The following SLC44A5 variants were observed in gnomAD, a reference collection of about 807,000 sequenced individuals.
SLC44A5 encodes solute carrier family 44 member 5.
Under a neutral mutation model 101.8 loss-of-function variants are expected in SLC44A5, and 57 were observed. That is an observed-to-expected ratio of 0.56 (90% CI 0.45 to 0.70). The LOEUF (loss-of-function observed/expected upper bound fraction) is 0.70. Among genes scored for constraint, SLC44A5 ranks in the 30% least tolerant of loss-of-function variants. The probability of loss-of-function intolerance (pLI) is 0.00; values close to 1 mark genes in which losing one functional copy is unlikely to be tolerated. For synonymous variants in SLC44A5, 281 were observed against 290.9 expected, an observed-to-expected ratio of 0.97 and a Z score of 0.35; for missense variants, 737 against 853.1, an observed-to-expected ratio of 0.86 and a Z score of 1.70.
At chr1:75,635,893 G>A in the SLC44A5 span, among the ~76,000 whole-genome samples, 139 of 151,868 alleles carry the variant, frequency 9.2e-4, 1 homozygote, top group South Asian at 0.015. Flanking sequence ...CTTAACTTTG[G>A]GGAGGGATTA....
Position 75,287,825 on chromosome 1 carries a change from T to C in SLC44A5, c.176-12783A>G, listed in dbSNP as rs908327239. On this transcript the variant is annotated intron_variant, in intron 5 of 23. Transcript: ENST00000370859. ...CATCTTTAGGTGTCTCAGCCGTGAA[T>C]ACCAGCACCTACTCTGGCAGAGGTA... Among the ~76,000 whole-genome samples the C allele has an allele frequency of 3.3e-5, 5 of 152,312 alleles. No homozygotes were observed. The South Asian group carries it at 8.3e-4, about 25-fold the overall frequency.
chr1:75,282,412 A>T (rs945182473), intron 5 of SLC44A5, among the ~76,000 whole-genome samples: 1 of 152,130 alleles, frequency 6.6e-6, no homozygotes, highest in Non-Finnish European at 1.5e-5. Flanking sequence ...CTCAGATGAG[A>T]CTTTGGACTT....
At chr1:75,713,499 T>C in the SLC44A5 span, among the ~76,000 whole-genome samples, 1 of 152,174 alleles carries the variant, frequency 6.6e-6, no homozygotes, top group African/African-American at 2.4e-5. Flanking sequence ...AACTGCAGGT[T>C]AAGAACCACT....
At chr1:75,528,649 A>G (rs1049939776) in intron 2 of SLC44A5, among the ~76,000 whole-genome samples, 4 of 152,184 alleles carry the variant, frequency 2.6e-5, no homozygotes, top group Non-Finnish European at 5.9e-5. Flanking sequence ...CATAAAATGC[A>G]TCTTTAATCA....
intron 1 of SLC44A5, among the ~76,000 whole-genome samples, chr1:75,593,683 C>T (rs1674479950): frequency 6.6e-6 from 1 of 152,008 alleles, no homozygotes; most frequent in Non-Finnish European, 1.5e-5. Flanking sequence ...CTGTCATTTG[C>T]AACAATGCAG....
At chr1:75,482,603 A>T (rs1419183552) in intron 2 of SLC44A5, among the ~76,000 whole-genome samples, 4 of 152,106 alleles carry the variant, frequency 2.6e-5, no homozygotes, top group Non-Finnish European at 5.9e-5. Flanking sequence ...TTTAGATTGG[A>T]CCATCACTAA....
rs139523251 is a variant in SLC44A5, at chr1:75,589,529, G to A, written c.-70+21511C>T. Reference sequence around the variant, plus strand: ...GGTATAATGGAAAGCTCTACCCATCGTCCTGCCAGCAAGAATATCCAATTA... The same window carrying A: ...GGTATAATGGAAAGCTCTACCCATCATCCTGCCAGCAAGAATATCCAATTA... On this transcript the variant is annotated intron_variant, in intron 1 of 23. Coordinates refer to ENST00000370859, the MANE Select transcript of SLC44A5 (RefSeq NM_001130058.2). Among the ~76,000 whole-genome samples, 433 of 152,246 alleles carry A rather than the reference G, an allele frequency of 2.8e-3. 2 individuals are homozygous for A. Among genetic ancestry groups the A allele is most frequent in the Middle Eastern group, 0.01 (3 of 294 alleles).
intron 1 of SLC44A5, among the ~76,000 whole-genome samples, chr1:75,602,443 TAAGGATTGTGGAGGGGTGTATTCCA>T (rs1181441285): frequency 1.3e-5 from 2 of 152,276 alleles, no homozygotes; most frequent in Non-Finnish European, 2.9e-5. Flanking sequence ...TCTGAGTGGT[TAAGGATTGTGGAGGGGTGTATTCCA>T]AAGCTGTGCT....
the SLC44A5 span, among the ~76,000 whole-genome samples, chr1:75,710,764 G>T: frequency 1.3e-5 from 2 of 151,928 alleles, no homozygotes; most frequent in Non-Finnish European, 2.9e-5. Context: ...TATTTTAAGA[G>T]GTTTTACTGT....
intron 2 of SLC44A5, among the ~76,000 whole-genome samples, chr1:75,462,238 T>G (rs1386034506): frequency 6.6e-6 from 1 of 152,218 alleles, no homozygotes; most frequent in African/African-American, 2.4e-5. Context: ...AACAAGAGTC[T>G]GCCTGGTAAT....
intron 4 of SLC44A5, among the ~76,000 whole-genome samples, chr1:75,327,075 T>C (rs1024581911): frequency 7.4e-6 from 1 of 135,408 alleles, no homozygotes; most frequent in Non-Finnish European, 1.6e-5. Context: ...CACCATTGTT[T>C]CTAAGCTTTA....
chr1:75,268,303 C>T (rs937574990), intron 6 of SLC44A5, among the ~76,000 whole-genome samples: 2 of 152,176 alleles, frequency 1.3e-5, no homozygotes, highest in Admixed American at 6.6e-5. Flanking sequence ...TCAGAAGTCA[C>T]CTCCTCATGA....
At chr1:75,286,291 C>T (rs79818266) in intron 5 of SLC44A5, among the ~76,000 whole-genome samples, 7,239 of 152,096 alleles carry the variant, frequency 0.048, 236 homozygotes, top group Middle Eastern at 0.12. Flanking sequence ...AATAGCTACT[C>T]TTGCTTGATT....
At chr1:75,506,025 G>A (rs148049145) in intron 2 of SLC44A5, among the ~76,000 whole-genome samples, 2 of 152,164 alleles carry the variant, frequency 1.3e-5, no homozygotes, top group Non-Finnish European at 2.9e-5. Flanking sequence ...ATTAATTTTT[G>A]TATATGGTTC....
At chr1:75,261,582 C>T (rs1050930699) in intron 6 of SLC44A5, among the ~76,000 whole-genome samples, 6 of 152,074 alleles carry the variant, frequency 3.9e-5, no homozygotes, top group Non-Finnish European at 8.8e-5. Context: ...CCAAATTCCA[C>T]CAGAGGTACA....
intron 3 of SLC44A5, among the ~76,000 whole-genome samples, chr1:75,383,633 C>A (rs12404361): frequency 0.015 from 2,336 of 152,268 alleles, 168 homozygotes; most frequent in Admixed American, 0.13. Context: ...AAATACTCTG[C>A]AGGATATTAT....
chr1:75,438,368 C>G (rs889187706), intron 2 of SLC44A5, among the ~76,000 whole-genome samples: 1 of 151,970 alleles, frequency 6.6e-6, no homozygotes, highest in Non-Finnish European at 1.5e-5. Context: ...TGCAATAAAC[C>G]AAGTATATCA....
At chr1:75,223,862 G>A (rs1047046544) in intron 13 of SLC44A5, among the ~76,000 whole-genome samples, 4 of 151,972 alleles carry the variant, frequency 2.6e-5, no homozygotes, top group African/African-American at 7.3e-5. Flanking sequence ...ACACCAATTT[G>A]AACCCAAAAT....
intron 2 of SLC44A5, among the ~76,000 whole-genome samples, chr1:75,498,088 C>A (rs1277618990): frequency 1.3e-5 from 2 of 152,146 alleles, no homozygotes; most frequent in Admixed American, 6.5e-5. Context: ...AGAAAAAGAT[C>A]ATTATGTATA....
Sources: gnomAD v4.1 joint callset for allele counts (sites outside exome capture counted in the v4.1 genomes callset) on GRCh38, gnomAD v4.1.1 for gene constraint, MANE v1.5 for transcripts, NCBI Gene and HGNC (gene_info 2026-07-23, HGNC 2026-07-21) for gene names.